Variants in HTT-AS observed in about 807,000 individuals in gnomAD.
HTT-AS encodes HTT antisense RNA.
chr4:3,055,939 G>T (rs1711796072), intron 2 of HTT-AS, among the ~76,000 whole-genome samples: 1 of 152,086 alleles, frequency 6.6e-6, no homozygotes, highest in Non-Finnish European at 1.5e-5. Flanking sequence ...TCTATTCCTG[G>T]ACCCATCCAT....
downstream of HTT-AS, among the ~76,000 whole-genome samples, chr4:3,047,127 C>T (rs575091046): frequency 1.8e-4 from 27 of 152,178 alleles, 1 homozygote; most frequent in South Asian, 1.9e-3. Flanking sequence ...CTGGCTAACA[C>T]GGTGAAACCC....
At chr4:3,055,158 C>T (rs6853584) in intron 2 of HTT-AS, among the ~76,000 whole-genome samples, 55 of 151,934 alleles carry the variant, frequency 3.6e-4, no homozygotes, top group African/African-American at 1.2e-3. Flanking sequence ...ACCATCCGGG[C>T]GTGGTGGCGG....
Position 3,057,026 on chromosome 4 carries a change from T to A in HTT-AS, n.1380+5408A>T, listed in dbSNP as rs576271298. ...TCAGACAGCATTTGCCCCTTGTGACTGGCTTTTTCTTTTTCTTTTTTTTTT... is the reference window on the plus strand; with the variant it reads ...TCAGACAGCATTTGCCCCTTGTGACAGGCTTTTTCTTTTTCTTTTTTTTTT... On this transcript the variant is annotated intron_variant and non_coding_transcript_variant, in intron 2 of 2. Transcript: ENST00000664062. Among the ~76,000 whole-genome samples the A allele has an allele frequency of 5.5e-5, 8 of 144,674 alleles. No individual in the cohort carries two copies. In the South Asian group the frequency reaches 7.6e-4, roughly 14 times the overall value. The allele number at this position is 144,674 out of a possible 152,430, so 94.9% of individuals were successfully genotyped here.
chr4:3,053,757 C>CTTTTTTTT (rs1163919785), intron 2 of HTT-AS, among the ~76,000 whole-genome samples: 1 of 129,092 alleles, frequency 7.7e-6, no homozygotes. Flanking sequence ...TTGCTAACTT[C>CTTTTTTTT]TTTTTTTTTT....
intron 2 of HTT-AS, among the ~76,000 whole-genome samples, chr4:3,051,768 G>A (rs1009634802): frequency 2.6e-5 from 4 of 151,376 alleles, no homozygotes; most frequent in African/African-American, 9.8e-5. Flanking sequence ...GTGTCTTCCC[G>A]TGCTGTTCTG....
At chr4:3,046,324 C>T (rs375754124), downstream of HTT-AS, among the ~76,000 whole-genome samples, 66 of 152,290 alleles carry the variant, frequency 4.3e-4, no homozygotes, top group Middle Eastern at 6.8e-3. Flanking sequence ...TGCAGCTCGG[C>T]ATTTGCCTTA....
chr4:3,057,158 C>T (rs1003625135), intron 2 of HTT-AS, among the ~76,000 whole-genome samples: 33 of 152,106 alleles, frequency 2.2e-4, no homozygotes, highest in African/African-American at 6.8e-4. Context: ...CTCAGCCTCC[C>T]GAGTAGCTGG....
intron 2 of HTT-AS, among the ~76,000 whole-genome samples, chr4:3,058,642 T>C (rs1250768463): frequency 6.6e-6 from 1 of 152,102 alleles, no homozygotes; most frequent in African/African-American, 2.4e-5. Context: ...GTCAGCCTCA[T>C]TTTACCCCGC....
At chr4:3,062,195 A>G (rs1011727676) in intron 2 of HTT-AS, among the ~76,000 whole-genome samples, 1 of 151,736 alleles carries the variant, frequency 6.6e-6, no homozygotes, top group Non-Finnish European at 1.5e-5. Context: ...ACACGTGGCT[A>G]ATGTTTTATT....
At chr4:3,055,909 C>G (rs886877283) in intron 2 of HTT-AS, among the ~76,000 whole-genome samples, 1 of 152,176 alleles carries the variant, frequency 6.6e-6, no homozygotes, top group South Asian at 2.1e-4. Context: ...GGATCCAGGC[C>G]GGTTAATTAC....
chr4:3,070,276 C>T (rs1239749109), intron 1 of HTT-AS: 1 of 151,460 alleles, frequency 6.6e-6, no homozygotes, highest in Non-Finnish European at 1.5e-5. Flanking sequence ...TGACTAGGAA[C>T]CTTATTTCTC....
chr4:3,051,626 C>G (rs1056229861), intron 2 of HTT-AS, among the ~76,000 whole-genome samples: 60 of 147,830 alleles, frequency 4.1e-4, no homozygotes, highest in African/African-American at 1.3e-3. Context: ...CTCTCTCTCT[C>G]TGTGTGTTCA....
upstream of HTT-AS, chr4:3,074,614 GC>G: frequency 2.4e-6 from 1 of 419,718 alleles, no homozygotes; most frequent in Non-Finnish European, 4.0e-6. Flanking sequence ...GGCCGGCGTG[GC>G]CCCGCCTCCG....
At chr4:3,046,434 G>A (rs933092920), downstream of HTT-AS, among the ~76,000 whole-genome samples, 59 of 152,070 alleles carry the variant, frequency 3.9e-4, no homozygotes, top group African/African-American at 1.4e-3. Context: ...TCCCAAGTGA[G>A]GATGTCAGGG....
chr4:3,047,177 G>A (rs1235950204), downstream of HTT-AS, among the ~76,000 whole-genome samples: 1 of 152,124 alleles, frequency 6.6e-6, no homozygotes, highest in Non-Finnish European at 1.5e-5. Flanking sequence ...CGGGCGTGGT[G>A]GCGTGCACCT....
chr4:3,068,525 G>A (rs908422013), intron 1 of HTT-AS, among the ~76,000 whole-genome samples: 1 of 152,054 alleles, frequency 6.6e-6, no homozygotes, highest in African/African-American at 2.4e-5. Flanking sequence ...GACCCCAGAG[G>A]AAGATCAGAG....
intron 2 of HTT-AS, among the ~76,000 whole-genome samples, chr4:3,053,319 G>C (rs1331970468): frequency 6.6e-6 from 1 of 152,194 alleles, no homozygotes; most frequent in East Asian, 1.9e-4. Context: ...GATCGCCTGA[G>C]GTCAGGAGTT....
chr4:3,066,644 C>A (rs1283319008), intron 1 of HTT-AS, among the ~76,000 whole-genome samples: 2 of 152,168 alleles, frequency 1.3e-5, no homozygotes, highest in Non-Finnish European at 1.5e-5. Flanking sequence ...TGGGACCATA[C>A]CAATCCCTTC....
upstream of HTT-AS, chr4:3,074,604 G>T (rs1712349857): frequency 1.3e-5 from 5 of 394,958 alleles, no homozygotes; most frequent in Non-Finnish European, 2.1e-5. Context: ...CAATCATGCT[G>T]GCCGGCGTGG....
Sources: gnomAD v4.1 joint callset for allele counts (sites outside exome capture counted in the v4.1 genomes callset) on GRCh38, gnomAD v4.1.1 for gene constraint, MANE v1.5 for transcripts, NCBI Gene and HGNC (gene_info 2026-07-23, HGNC 2026-07-21) for gene names.